Variants in TRPM1 observed in about 807,000 individuals in gnomAD.
TRPM1 encodes transient receptor potential cation channel subfamily M member 1, also known as TRPM1-203 APA Isoform, Intron 10.
TRPM1 carries 113 observed loss-of-function variants against 149.4 expected under a neutral mutation model. The observed-to-expected ratio is 0.76, with a 90% CI of 0.65 to 0.88. The LOEUF (loss-of-function observed/expected upper bound fraction) is 0.88, where lower values mean the gene tolerates loss of function less well. TRPM1 is among the 40% of genes least tolerant of loss of function. TRPM1 has a pLI of 0.00. For missense variants in TRPM1, 1,976 were observed against 2,038.7 expected (o/e 0.97, Z 0.59); for synonymous variants, 741 against 759.5 (o/e 0.98, Z 0.40).
At chr15:31,060,521 G>A in intron 11 of TRPM1, 23 bp downstream of exon 11, 1 of 1,592,310 alleles carries the variant, frequency 6.3e-7, no homozygotes, top group Non-Finnish European at 8.6e-7. Context: ...TCAATGATAT[G>A]AATCGAAAAA....
At position 31,038,170 on chromosome 15, in the gene TRPM1, C is replaced by T. The variant is rs778537648; in HGVS notation, c.2317-4G>A. On this transcript the variant is annotated splice_region_variant and splice_polypyrimidine_tract_variant and intron_variant, in intron 18 of 27. Coordinates refer to ENST00000256552, the MANE Select transcript of TRPM1 (RefSeq NM_001252024.2). ...GTAGAAGAATCCCCATGATAACCTA[C>T]GGAACATAAATTGATTTTTTAAGCT... 1.1e-5 allele frequency: 18 copies of T among 1,613,884 alleles called. No homozygotes were observed. The highest frequency in any genetic ancestry group is 4.5e-5 in the East Asian group (2 of 44,880).
intron 1 of TRPM1, among the ~76,000 whole-genome samples, chr15:31,112,217 C>T (rs960571109): frequency 1.5e-4 from 23 of 152,306 alleles, no homozygotes; most frequent in African/African-American, 5.5e-4. Context: ...GGAGCTGTGG[C>T]TCATGCCTGT....
chr15:31,120,268 C>T (rs2035858395), intron 1 of TRPM1, among the ~76,000 whole-genome samples: 1 of 151,766 alleles, frequency 6.6e-6, no homozygotes, highest in Non-Finnish European at 1.5e-5. Flanking sequence ...ATATTAATTC[C>T]AGGTAAAGCA....
intron 1 of TRPM1, among the ~76,000 whole-genome samples, chr15:31,128,911 C>A (rs1037545857): frequency 6.6e-6 from 1 of 152,256 alleles, no homozygotes; most frequent in Non-Finnish European, 1.5e-5. Flanking sequence ...TGAAAGCCCC[C>A]CCGCTCCGGC....
At chr15:31,125,370 C>T (rs2035934153) in intron 1 of TRPM1, among the ~76,000 whole-genome samples, 2 of 152,112 alleles carry the variant, frequency 1.3e-5, no homozygotes, top group African/African-American at 2.4e-5. Context: ...CATGGGAGCT[C>T]TCTGTACTAC....
intron 1 of TRPM1, among the ~76,000 whole-genome samples, chr15:31,088,703 G>C (rs1022031658): frequency 1.3e-5 from 2 of 152,088 alleles, no homozygotes; most frequent in African/African-American, 2.4e-5. Flanking sequence ...GGATTTGGGG[G>C]CCGTCGTATG....
rs889325880 is a variant in TRPM1, at chr15:31,050,880, C to T, written c.1264-298G>A. Among the ~76,000 whole-genome samples the T allele has an allele frequency of 3.9e-5, 6 of 152,190 alleles. No homozygotes were observed. In the East Asian group the frequency reaches 5.8e-4, roughly 15 times the overall value. On this transcript the variant is annotated intron_variant, in intron 11 of 27. Coordinates refer to ENST00000256552, the MANE Select transcript of TRPM1 (RefSeq NM_001252024.2). ...CAAACACACACTTGACTTGATGCAG[C>T]GACTTTGCATACTTAAAGTGGCTGA...
chr15:31,005,107 A>ATAAG (rs2141103879), intron 27 of TRPM1, among the ~76,000 whole-genome samples: 1 of 148,268 alleles, frequency 6.7e-6, no homozygotes, highest in African/African-American at 2.4e-5. Flanking sequence ...ATCTCAAAAA[A>ATAAG]TAAATAAATA....
At position 31,038,055 on chromosome 15, in the gene TRPM1, C is replaced by T. The variant is rs764007624; in HGVS notation, c.2428G>A (p.Glu810Lys). 4 of 1,614,172 alleles carry T rather than the reference C, an allele frequency of 2.5e-6. No homozygotes were observed. The highest frequency in any genetic ancestry group is 1.1e-5 in the South Asian group (1 of 91,084). ...AGTGTGTCACTGACCGTATTTTCCT[C>T]TTCTTTTTCTTTGCCATCCTCATTT... ...KENEDGKEKE[E>K]ENTDANADAG... Residue 810 changes from glutamate to lysine, a missense_variant, in exon 19 of 28, where the codon GAG becomes AAG. By Grantham distance (56) the Glu-to-Lys change is moderately conservative (BLOSUM62 1). Coordinates refer to ENST00000256552, the MANE Select transcript of TRPM1 (RefSeq NM_001252024.2).
chr15:31,006,585 GGTTTTGTGTGAACATGTTTTCATTTCT>G (rs2031997338), intron 27 of TRPM1, among the ~76,000 whole-genome samples: 1 of 152,178 alleles, frequency 6.6e-6, no homozygotes. Context: ...TTCATGTACA[GGTTTTGTGTGAACATGTTTTCATTTCT>G]GTAGGATAAA....
intron 1 of TRPM1, among the ~76,000 whole-genome samples, chr15:31,149,924 T>A (rs278356): frequency 1.9e-3 from 284 of 152,338 alleles, no homozygotes; most frequent in African/African-American, 6.5e-3. Context: ...GTAGTGACTT[T>A]GGGCAGCAAA....
intron 1 of TRPM1, among the ~76,000 whole-genome samples, chr15:31,119,981 A>G (rs976911680): frequency 1.3e-5 from 2 of 152,300 alleles, no homozygotes; most frequent in East Asian, 3.9e-4. Context: ...TACAAATATG[A>G]TAGATATTAA....
chr15:31,065,264 T>C, intron 7 of TRPM1: 2 of 398,792 alleles, frequency 5.0e-6, no homozygotes, highest in Non-Finnish European at 1.0e-5. Flanking sequence ...CTTTTCCTAG[T>C]AGGCCATCCC....
chr15:31,031,193 G>C, intron 22 of TRPM1, 36 bp from the exon 23 acceptor site: 1 of 1,613,402 alleles, frequency 6.2e-7, no homozygotes, highest in Non-Finnish European at 8.5e-7. Context: ...CACTGTCTTG[G>C]CTTGTGGGCC....
chr15:31,039,878 G>A (rs1480354379), intron 18 of TRPM1, among the ~76,000 whole-genome samples: 1 of 152,154 alleles, frequency 6.6e-6, no homozygotes, highest in African/African-American at 2.4e-5. Context: ...GTGGGGCTCT[G>A]GAGTTAGAGC....
rs560485230 is a variant in TRPM1, at chr15:31,015,462, A to C, written c.3629+10677T>G. On this transcript the variant is annotated intron_variant, in intron 27 of 27. Transcript: ENST00000256552. ...AAAAAGAAAAAAGATATATGACCTC[A>C]TGTTGTACCCCAAGCTGATAAAGCA... is the stretch of plus-strand genomic sequence containing the variant. 7.9e-5 allele frequency among the ~76,000 whole-genome samples: 12 copies of C among 152,086 alleles called. No homozygotes were observed. The South Asian group carries it at 1.9e-3, about 24-fold the overall frequency.
intron 7 of TRPM1, chr15:31,065,248 C>T: frequency 2.3e-6 from 1 of 425,830 alleles, no homozygotes; most frequent in Non-Finnish European, 4.8e-6. Flanking sequence ...TCTCGGAAAT[C>T]TACAACTTTT....
rs111797271 is a variant in TRPM1, at chr15:31,113,853, T to G, written c.55-36869A>C. Among the ~76,000 whole-genome samples, 318 of 152,242 alleles carry G rather than the reference T, an allele frequency of 2.1e-3. 2 individuals carry two copies. The highest frequency in any genetic ancestry group is 7.2e-3 in the African/African-American group (300 of 41,554). On this transcript the variant is annotated intron_variant, in intron 1 of 26. Coordinates refer to the TRPM1 transcript ENST00000542188. ...GATGTGAACAGCAAAACAACGACGC[T>G]CCCACACGCTGGAAGGGTACCGAGC...
At chr15:31,119,304 TA>T (rs2035845226) in intron 1 of TRPM1, among the ~76,000 whole-genome samples, 2 of 152,120 alleles carry the variant, frequency 1.3e-5, no homozygotes, top group Non-Finnish European at 2.9e-5. Context: ...GGGTAAAACC[TA>T]TATCAGCATT....
Sources: allele counts gnomAD v4.1 joint callset (sites outside exome capture counted in the v4.1 genomes callset), GRCh38; gene constraint gnomAD v4.1.1; transcripts MANE v1.5; gene names NCBI Gene and HGNC (gene_info 2026-07-23, HGNC 2026-07-21).